The following AP2A2 variants were observed in gnomAD, a reference collection of about 807,000 sequenced individuals.
AP2A2 encodes the protein AP-2 complex subunit alpha-2.
Under a neutral mutation model 104.2 loss-of-function variants are expected in AP2A2, and 32 were observed. The ratio of observed to expected loss-of-function variants is 0.31; its 90% CI spans 0.23 to 0.41. AP2A2 has a LOEUF of 0.41. AP2A2 is among the 10% of genes least tolerant of loss of function. AP2A2 has a pLI of 1.00. For missense variants in AP2A2, 912 were observed against 1,261.0 expected, an observed-to-expected ratio of 0.72 and a Z score of 4.19; for synonymous variants, 539 against 533.3, an observed-to-expected ratio of 1.01 and a Z score of -0.15.
At position 1,000,581 on chromosome 11, in the gene AP2A2, C is replaced by A; in HGVS notation, c.2106C>A (p.Ser702=). Residue 702 remains serine (S), a synonymous_variant, in exon 15 of 22, where the codon TCC becomes TCA. Coordinates refer to ENST00000448903, the MANE Select transcript of AP2A2 (RefSeq NM_012305.4). ...ASVVAPLAPG[S]EDNFARFVCK... ...TGGTCGCGCCTCTCGCTCCTGGCTC[C>A]GAAGACAACTTTGCCAGGTAGTCAG... 1 of 1,548,192 alleles carries A rather than the reference C, an allele frequency of 6.5e-7. No individual in the cohort carries two copies. Among genetic ancestry groups the A allele is most frequent in the Non-Finnish European group, 8.7e-7 (1 of 1,152,376 alleles).
intron 2 of AP2A2, among the ~76,000 whole-genome samples, chr11:960,641 A>G (rs10902251): frequency 0.5 from 73,311 of 146,804 alleles, 18,286 homozygotes; most frequent in Admixed American, 0.64. Flanking sequence ...GCCTCCCAAC[A>G]TGCTGGGATT....
At chr11:1,000,374 C>T in intron 14 of AP2A2, 58 bp from the exon 15 acceptor site, 4 of 1,524,818 alleles carry the variant, frequency 2.6e-6, no homozygotes, top group African/African-American at 2.7e-5. Flanking sequence ...CGTGAGCTGC[C>T]TGGGGTTGGC....
Position 1,000,586 on chromosome 11 carries a change from A to G in AP2A2, c.2111A>G (p.Asp704Gly). 1.3e-6 allele frequency: 2 copies of G among 1,546,330 alleles called. No individual in the cohort carries two copies. The highest frequency in any genetic ancestry group is 1.7e-6 in the Non-Finnish European group (2 of 1,151,444). ...VVAPLAPGSE[D>G]NFARFVCKNN... ...GCGCCTCTCGCTCCTGGCTCCGAAGACAACTTTGCCAGGTAGTCAGGTTTC... is the reference window on the plus strand; with the variant it reads ...GCGCCTCTCGCTCCTGGCTCCGAAGGCAACTTTGCCAGGTAGTCAGGTTTC... Residue 704 changes from aspartate to glycine, a missense_variant, in exon 15 of 22, where the codon GAC becomes GGC. Coordinates refer to ENST00000448903, the MANE Select transcript of AP2A2 (RefSeq NM_012305.4).
At chr11:996,079 C>G (rs1358152524) in intron 14 of AP2A2, 1 of 152,200 alleles carries the variant, frequency 6.6e-6, no homozygotes, top group African/African-American at 2.4e-5. Flanking sequence ...ATCTCTCCCT[C>G]TCCTTTGGAC....
At chr11:970,466 T>G (rs939045160) in intron 3 of AP2A2, among the ~76,000 whole-genome samples, 155 bp downstream of exon 3, 1 of 152,244 alleles carries the variant, frequency 6.6e-6, no homozygotes, top group Non-Finnish European at 1.5e-5. Context: ...CCAGTCCTTG[T>G]TAGCACCTGC....
At chr11:991,555 T>C (rs571193456) in intron 10 of AP2A2, among the ~76,000 whole-genome samples, 2 of 152,044 alleles carry the variant, frequency 1.3e-5, no homozygotes, top group East Asian at 1.9e-4. Flanking sequence ...GAAGCAGACA[T>C]GGGGACCCTG....
intron 2 of AP2A2, among the ~76,000 whole-genome samples, chr11:966,458 A>G: frequency 6.6e-6 from 1 of 152,230 alleles, no homozygotes; most frequent in Non-Finnish European, 1.5e-5. Flanking sequence ...TGGTCATGCC[A>G]CTGCACTCCA....
chr11:954,099 T>C (rs1341782174), intron 1 of AP2A2, among the ~76,000 whole-genome samples: 1 of 152,214 alleles, frequency 6.6e-6, no homozygotes, highest in African/African-American at 2.4e-5. Flanking sequence ...CCTCCCAAAG[T>C]GCAGACGTGA....
intron 2 of AP2A2, among the ~76,000 whole-genome samples, chr11:961,609 A>T (rs1352822458): frequency 1.8e-5 from 2 of 112,478 alleles, no homozygotes; most frequent in African/African-American, 6.5e-5. Flanking sequence ...GCAGAAGCAG[A>T]TGGAGATGTG....
intron 1 of AP2A2, among the ~76,000 whole-genome samples, chr11:937,361 G>A (rs144416388): frequency 8.0e-4 from 122 of 152,168 alleles, no homozygotes; most frequent in Non-Finnish European, 1.6e-3. Flanking sequence ...ACCATTGTCC[G>A]TCTCCAGAAA....
At chr11:999,799 C>CT (rs1398277091) in intron 14 of AP2A2, among the ~76,000 whole-genome samples, 1 of 127,602 alleles carries the variant, frequency 7.8e-6, no homozygotes, top group Non-Finnish European at 1.7e-5. Flanking sequence ...GATCTTAGTT[C>CT]TTTCTTTTTT....
In AP2A2 at chr11:993,950, C is replaced by T; in HGVS notation, c.1747C>T (p.Leu583=). The part of the protein sequence containing the change: ...VELQQRAVEY[L]RLSTVASTDI... ...GCTGCAGCAGCGTGCTGTGGAGTAC[C>T]TGCGGCTCAGCACCGTGGCCAGCAC... Residue 583 remains leucine (L), a synonymous_variant, in exon 13 of 22, where the codon CTG becomes TTG. Transcript: ENST00000448903. This position sits in a 1 kb window ranked among gnomAD's most constrained non-coding sequence, Gnocchi z 8.2. The T allele has an allele frequency of 6.2e-7, 1 of 1,612,616 alleles. No homozygotes were observed. The highest frequency in any genetic ancestry group is 1.1e-5 in the South Asian group (1 of 91,060).
chr11:938,986 G>A (rs1380208973), intron 1 of AP2A2, among the ~76,000 whole-genome samples: 1 of 152,036 alleles, frequency 6.6e-6, no homozygotes, highest in Admixed American at 6.6e-5. Flanking sequence ...AGGTGCGGTG[G>A]CTCACGCCTG....
At chr11:932,897 C>G (rs1057429225) in intron 1 of AP2A2, 26 of 367,172 alleles carry the variant, frequency 7.1e-5, no homozygotes, top group African/African-American at 5.1e-4. Flanking sequence ...TGGTAACAAT[C>G]TGTGTCAAGA....
intron 1 of AP2A2, chr11:932,752 G>T: frequency 2.2e-6 from 1 of 456,254 alleles, no homozygotes. Flanking sequence ...TCTCTTCACA[G>T]TGTTTTCCGT....
intron 1 of AP2A2, among the ~76,000 whole-genome samples, chr11:951,881 C>G (rs1854064801): frequency 6.6e-6 from 1 of 152,144 alleles, no homozygotes; most frequent in South Asian, 2.1e-4. Context: ...CACTTTATTT[C>G]TTTGAGACAG....
rs367663860 is a variant in AP2A2 at position 944,557 on chromosome 11, G to A, written c.68-14880G>A. On this transcript the variant is annotated intron_variant, in intron 1 of 21. Coordinates refer to ENST00000448903, the MANE Select transcript of AP2A2 (RefSeq NM_012305.4). The stretch of plus-strand genomic sequence containing the variant: ...GTGGATAGAGATCGAAAATAAACAC[G>A]AAATTTGGTGAGATGTTAGAAGATG... Among the ~76,000 whole-genome samples the A allele has an allele frequency of 1.2e-3, 190 of 152,212 alleles. 3 individuals carry two copies. Among genetic ancestry groups the A allele is most frequent in the African/African-American group, 4.4e-3 (181 of 41,536 alleles).
chr11:987,609 C>T (rs1251492918), intron 9 of AP2A2, among the ~76,000 whole-genome samples: 9 of 151,852 alleles, frequency 5.9e-5, no homozygotes, highest in South Asian at 2.1e-4. Flanking sequence ...GAGCCGAGAT[C>T]GCGCCACTGC....
At chr11:1,008,667 A>G (rs1564824555) in intron 18 of AP2A2, 1 of 220,776 alleles carries the variant, frequency 4.5e-6, no homozygotes, top group East Asian at 1.1e-4. Context: ...GGTGTCTGCA[A>G]GGTTAGGAAT....
Sources: gnomAD v4.1 joint callset for allele counts (sites outside exome capture counted in the v4.1 genomes callset) on GRCh38, gnomAD v4.1.1 for gene constraint, Gnocchi (gnomAD v3.1) non-coding constraint, MANE v1.5 for transcripts, NCBI Gene and HGNC (gene_info 2026-07-23, HGNC 2026-07-21) for gene names.